SYT10: variants seen among roughly 807,000 people sequenced by gnomAD.
SYT10 encodes the protein synaptotagmin-10.
Under a neutral mutation model 51.1 loss-of-function variants are expected in SYT10, and 31 were observed. The ratio of observed to expected loss-of-function variants is 0.61; its 90% CI spans 0.46 to 0.82. The LOEUF is 0.82. SYT10 is among the 40% of genes least tolerant of loss of function. The pLI, the probability that SYT10 is intolerant of heterozygous loss-of-function variation, is 0.00. For synonymous variants in SYT10, 233 were observed against 225.9 expected (o/e 1.03, Z -0.28); for missense variants, 603 against 634.0 (o/e 0.95, Z 0.53).
At chr12:33,379,249 C>G (rs904413077) in intron 6 of SYT10, among the ~76,000 whole-genome samples, 1 of 151,930 alleles carries the variant, frequency 6.6e-6, no homozygotes, top group Non-Finnish European at 1.5e-5. Context: ...GTAACTTGCC[C>G]GAGGTTTCAC....
At chr12:33,387,626 G>A (rs1242105616) in intron 3 of SYT10, among the ~76,000 whole-genome samples, 1 of 152,144 alleles carries the variant, frequency 6.6e-6, no homozygotes, top group Non-Finnish European at 1.5e-5. Flanking sequence ...ATATCCTTTG[G>A]GCTAGTGGAT....
chr12:33,438,407 C>T (rs555862712), intron 1 of SYT10, among the ~76,000 whole-genome samples: 3 of 152,312 alleles, frequency 2.0e-5, no homozygotes, highest in South Asian at 4.1e-4. Flanking sequence ...ACCACGCAGC[C>T]CGCAACTCGG....
chr12:33,392,674 GA>G (rs1378057331), intron 3 of SYT10, among the ~76,000 whole-genome samples: 7 of 151,976 alleles, frequency 4.6e-5, no homozygotes, highest in Non-Finnish European at 1.0e-4. Context: ...GTTTCTGCAT[GA>G]AAGAAGGAAT....
In SYT10 at chr12:33,406,945, A is replaced by G. The variant is rs1476537827; in HGVS notation, c.921T>C (p.Asp307=). Residue 307 remains aspartate (D), a synonymous_variant, in exon 3 of 7, where the codon GAT becomes GAC. Coordinates refer to ENST00000228567, the MANE Select transcript of SYT10 (RefSeq NM_198992.4). ...AATGTAGTTTTCGGTTGCTTAGTTGATCATATGCTACAGGAAATTGAAAAG... is the reference window on the plus strand; with the variant it reads ...AATGTAGTTTTCGGTTGCTTAGTTGGTCATATGCTACAGGAAATTGAAAAG... The part of the protein sequence containing the change: ...DETFQFPVAY[D]QLSNRKLHFS... 1 of 1,614,110 alleles carries G rather than the reference A, an allele frequency of 6.2e-7. No individual in the cohort carries two copies. The highest frequency in any genetic ancestry group is 1.1e-5 in the South Asian group (1 of 91,082).
At chr12:33,409,139 G>T (rs1866384104) in intron 2 of SYT10, among the ~76,000 whole-genome samples, 1 of 151,882 alleles carries the variant, frequency 6.6e-6, no homozygotes, top group South Asian at 2.1e-4. Context: ...ATTGCAGCAG[G>T]TCTACACCTG....
chr12:33,403,146 T>C (rs1866320796), intron 3 of SYT10, among the ~76,000 whole-genome samples: 1 of 151,990 alleles, frequency 6.6e-6, no homozygotes. Flanking sequence ...AAATAAAAAC[T>C]TTAGTTATAA....
At chr12:33,389,748 A>G (rs1335442664) in intron 3 of SYT10, among the ~76,000 whole-genome samples, 3 of 152,192 alleles carry the variant, frequency 2.0e-5, no homozygotes, top group Non-Finnish European at 2.9e-5. Context: ...TGGTAAGAAA[A>G]CAGATGATTT....
chr12:33,433,413 T>C (rs1215798836), intron 1 of SYT10, among the ~76,000 whole-genome samples: 3 of 152,186 alleles, frequency 2.0e-5, no homozygotes, highest in African/African-American at 4.8e-5. Flanking sequence ...TTTAATGAAT[T>C]ATTTTTTCTA....
chr12:33,383,775 T>C (rs1217726113), intron 4 of SYT10, among the ~76,000 whole-genome samples: 1 of 152,122 alleles, frequency 6.6e-6, no homozygotes, highest in Non-Finnish European at 1.5e-5. Context: ...TTCACAACCC[T>C]GTTGTGAGGA....
At chr12:33,412,736 A>C (rs1866418350) in intron 2 of SYT10, among the ~76,000 whole-genome samples, 1 of 152,150 alleles carries the variant, frequency 6.6e-6, no homozygotes, top group Non-Finnish European at 1.5e-5. Flanking sequence ...GATGGGGAAA[A>C]AACAGAGCAG....
At chr12:33,379,607 A>G (rs1219350839) in intron 6 of SYT10, among the ~76,000 whole-genome samples, 1 of 151,450 alleles carries the variant, frequency 6.6e-6, no homozygotes, top group East Asian at 1.9e-4. Context: ...TTACTGTCCA[A>G]AAGAATATGA....
chr12:33,404,204 T>G (rs116725882), intron 3 of SYT10, among the ~76,000 whole-genome samples: 3,055 of 152,156 alleles, frequency 0.02, 120 homozygotes, highest in African/African-American at 0.07. Context: ...GATTATGGAT[T>G]TTGAGATGGG....
chr12:33,407,297 C>T lies in SYT10; in HGVS notation c.569G>A (p.Ser190Asn). The T allele has an allele frequency of 1.9e-6, 3 of 1,611,670 alleles. No homozygotes were observed. The highest frequency in any genetic ancestry group is 2.5e-6 in the Non-Finnish European group (3 of 1,180,012). ...RQMQVSSVDFSMGTEPVLQRG... is the reference protein window; with the variant it reads ...RQMQVSSVDFNMGTEPVLQRG... Reference sequence around the variant, plus strand: ...TTGTAAAACAGGTTCTGTGCCCATGCTAAAATCAACACTGGAAACCTGCAT... The same window carrying T: ...TTGTAAAACAGGTTCTGTGCCCATGTTAAAATCAACACTGGAAACCTGCAT... Residue 190 changes from serine to asparagine, a missense_variant, in exon 3 of 7, where the codon AGC becomes AAC. By Grantham distance (46) the Ser-to-Asn change is conservative. Coordinates refer to ENST00000228567, the MANE Select transcript of SYT10 (RefSeq NM_198992.4).
At chr12:33,394,059 T>C (rs367833051) in intron 3 of SYT10, among the ~76,000 whole-genome samples, 1 of 152,282 alleles carries the variant, frequency 6.6e-6, no homozygotes, top group East Asian at 1.9e-4. Flanking sequence ...AGATTATACA[T>C]TAGAACATTA....
At chr12:33,380,095 C>A in intron 5 of SYT10, 134 bp from the exon 6 acceptor site, 1 of 895,760 alleles carries the variant, frequency 1.1e-6, no homozygotes, top group Non-Finnish European at 1.6e-6. Flanking sequence ...CTACTTCAGA[C>A]CGAATGAAAT....
chr12:33,423,163 C>A (rs1158999779), intron 2 of SYT10, among the ~76,000 whole-genome samples: 1 of 151,938 alleles, frequency 6.6e-6, no homozygotes, highest in Non-Finnish European at 1.5e-5. Flanking sequence ...ACTTCTAGGC[C>A]CATCAGGATG....
intron 5 of SYT10, 29 bp downstream of exon 5, chr12:33,382,319 GC>G: frequency 6.6e-7 from 1 of 1,507,792 alleles, no homozygotes; most frequent in Non-Finnish European, 8.9e-7. Flanking sequence ...AGACATGGCT[GC>G]TCTTCAGTGA....
At chr12:33,406,166 A>T (rs900260341) in intron 3 of SYT10, among the ~76,000 whole-genome samples, 1 of 152,098 alleles carries the variant, frequency 6.6e-6, no homozygotes, top group Middle Eastern at 3.2e-3. Context: ...AATTTTCAGT[A>T]CTAAAGTTGG....
chr12:33,427,211 G>T (rs1310130791), intron 1 of SYT10, among the ~76,000 whole-genome samples: 1 of 152,078 alleles, frequency 6.6e-6, no homozygotes, highest in Non-Finnish European at 1.5e-5. Flanking sequence ...CATGAGGGAA[G>T]TCTTCATGAG....
Sources: allele counts gnomAD v4.1 joint callset (sites outside exome capture counted in the v4.1 genomes callset), GRCh38; gene constraint gnomAD v4.1.1; transcripts MANE v1.5; gene names NCBI Gene and HGNC (gene_info 2026-07-23, HGNC 2026-07-21).